NCAM2: variants seen among roughly 807,000 people sequenced by gnomAD.
The protein encoded by NCAM2 is neural cell adhesion molecule 2.
NCAM2 carries 30 observed loss-of-function variants against 98.1 expected under a neutral mutation model. The observed-to-expected ratio is 0.31, with a 90% CI of 0.23 to 0.41. The LOEUF is 0.41. Ranked by LOEUF, NCAM2 falls within the 10% of genes least tolerant of loss-of-function variation. NCAM2 has a pLI of 1.00. For missense variants in NCAM2, 867 were observed against 1,005.8 expected, an observed-to-expected ratio of 0.86 and a Z score of 1.87; for synonymous variants, 368 against 342.4, an observed-to-expected ratio of 1.07 and a Z score of -0.83.
chr21:21,043,330 A>G (rs1245019425), intron 1 of NCAM2, among the ~76,000 whole-genome samples: 1 of 152,156 alleles, frequency 6.6e-6, no homozygotes, highest in Non-Finnish European at 1.5e-5. Context: ...GAGTAATTTA[A>G]TCATATGTAA....
intron 12 of NCAM2, among the ~76,000 whole-genome samples, chr21:21,456,442 A>G (rs1025762356): frequency 1.2e-4 from 18 of 152,192 alleles, no homozygotes; most frequent in Admixed American, 1.2e-3. Flanking sequence ...TTATAGTGCT[A>G]GCAATTCATG....
At chr21:21,328,185 C>T (rs558558787) in intron 6 of NCAM2, among the ~76,000 whole-genome samples, 1 of 152,094 alleles carries the variant, frequency 6.6e-6, no homozygotes, top group Non-Finnish European at 1.5e-5. Flanking sequence ...ACATCGCAGC[C>T]ATCATAAAAT....
At chr21:21,016,871 G>T (rs1459335183) in intron 1 of NCAM2, among the ~76,000 whole-genome samples, 1 of 152,110 alleles carries the variant, frequency 6.6e-6, no homozygotes, top group Admixed American at 6.5e-5. Flanking sequence ...GAAGACCTGG[G>T]TGCCTCCCAC....
chr21:21,006,677 G>A (rs73228146), intron 1 of NCAM2, among the ~76,000 whole-genome samples: 7,320 of 152,190 alleles, frequency 0.048, 214 homozygotes, highest in Non-Finnish European at 0.058. Context: ...TTTAGTACAA[G>A]TATTCATGTA....
intron 1 of NCAM2, among the ~76,000 whole-genome samples, chr21:21,184,760 C>A (rs956078262): frequency 4.6e-5 from 7 of 152,078 alleles, no homozygotes; most frequent in Non-Finnish European, 5.9e-5. Context: ...GAAATTGTTC[C>A]TTGTTCTCAG....
At chr21:21,470,326 T>G (rs1984279849) in intron 14 of NCAM2, among the ~76,000 whole-genome samples, 1 of 152,120 alleles carries the variant, frequency 6.6e-6, no homozygotes, top group African/African-American at 2.4e-5. Context: ...TCATATTGAT[T>G]TCTTTAAATG....
At chr21:21,307,052 G>T (rs117965593) in intron 5 of NCAM2, among the ~76,000 whole-genome samples, 16 of 75,926 alleles carry the variant, frequency 2.1e-4, no homozygotes, top group Admixed American at 5.0e-4. Flanking sequence ...GTTTTTGTAG[G>T]ATGTGTACAG....
chr21:21,460,071 A>G (rs1008770650), intron 12 of NCAM2, among the ~76,000 whole-genome samples: 1 of 151,946 alleles, frequency 6.6e-6, no homozygotes, highest in Non-Finnish European at 1.5e-5. Context: ...AATATATATA[A>G]TTTTATTGGT....
chr21:21,498,024 T>C (rs903457733), intron 15 of NCAM2, among the ~76,000 whole-genome samples: 1 of 152,242 alleles, frequency 6.6e-6, no homozygotes, highest in East Asian at 1.9e-4. Flanking sequence ...GGAAATTATG[T>C]AAAATGATTT....
In NCAM2 at chr21:21,342,550, C is replaced by T. The variant is rs952243714; in HGVS notation, c.1044+4016C>T. Among the ~76,000 whole-genome samples, 14 of 152,096 alleles carry T rather than the reference C, an allele frequency of 9.2e-5. No homozygotes were observed. In the East Asian group the frequency reaches 1.7e-3, roughly 19 times the overall value. ...AAGAGCAGCCTGCTGTCTTTTGTGG[C>T]AGCAGGCTTTCTCCACAGAGAACAT... On this transcript the variant is annotated intron_variant, in intron 8 of 17. Coordinates refer to ENST00000400546, the MANE Select transcript of NCAM2 (RefSeq NM_004540.5).
chr21:21,487,719 C>A (rs2081627352), intron 15 of NCAM2, among the ~76,000 whole-genome samples: 1 of 152,084 alleles, frequency 6.6e-6, no homozygotes, highest in South Asian at 2.1e-4. Flanking sequence ...CTCCATTTTA[C>A]AGTCAACGTT....
At chr21:21,249,151 T>C (rs2071391377) in intron 1 of NCAM2, among the ~76,000 whole-genome samples, 1 of 152,212 alleles carries the variant, frequency 6.6e-6, no homozygotes, top group Non-Finnish European at 1.5e-5. Context: ...TCAAAAAGAA[T>C]GATTTTCCCA....
At chr21:21,125,267 A>G (rs2066764866) in intron 1 of NCAM2, among the ~76,000 whole-genome samples, 1 of 143,512 alleles carries the variant, frequency 7.0e-6, no homozygotes. Flanking sequence ...AAGAATATTT[A>G]TTCAACTGTA....
chr21:21,305,209 T>G (rs1165298910), intron 5 of NCAM2, among the ~76,000 whole-genome samples: 1 of 151,978 alleles, frequency 6.6e-6, no homozygotes, highest in Non-Finnish European at 1.5e-5. Context: ...TCCCAGATAC[T>G]CGGGAGGCTG....
intron 9 of NCAM2, among the ~76,000 whole-genome samples, chr21:21,380,205 A>C (rs2148083278): frequency 6.6e-6 from 1 of 152,244 alleles, no homozygotes; most frequent in African/African-American, 2.4e-5. Context: ...TTCAGTATTA[A>C]CCATCACAGT....
intron 1 of NCAM2, among the ~76,000 whole-genome samples, chr21:21,260,157 A>G (rs1329658241): frequency 6.6e-6 from 1 of 151,958 alleles, no homozygotes; most frequent in African/African-American, 2.4e-5. Flanking sequence ...ATAAAGAAAA[A>G]TAGAATTAAA....
At chr21:21,424,133 A>G (rs923585239) in intron 11 of NCAM2, among the ~76,000 whole-genome samples, 13 of 152,352 alleles carry the variant, frequency 8.5e-5, no homozygotes, top group African/African-American at 3.1e-4. Context: ...GATTTTTCAA[A>G]GAACTCATTA....
intron 8 of NCAM2, among the ~76,000 whole-genome samples, chr21:21,362,785 A>G (rs1568980179): frequency 6.6e-6 from 1 of 152,302 alleles, no homozygotes; most frequent in East Asian, 1.9e-4. Context: ...TGAAATCTAT[A>G]TGATAGACTA....
chr21:21,508,195 A>T (rs1988111235), intron 15 of NCAM2, among the ~76,000 whole-genome samples: 1 of 152,202 alleles, frequency 6.6e-6, no homozygotes, highest in South Asian at 2.1e-4. Context: ...ACAAAAGGTC[A>T]TAAATACCAT....
Sources: gnomAD v4.1 joint callset for allele counts (sites outside exome capture counted in the v4.1 genomes callset) on GRCh38, gnomAD v4.1.1 for gene constraint, MANE v1.5 for transcripts, NCBI Gene and HGNC (gene_info 2026-07-23, HGNC 2026-07-21) for gene names.